CUX2: variants seen among roughly 807,000 people sequenced by gnomAD.
The protein encoded by CUX2 is cut like homeobox 2.
CUX2 carries 40 observed loss-of-function variants against 144.8 expected under a neutral mutation model. The observed-to-expected ratio is 0.28, with a 90% CI of 0.21 to 0.36. CUX2 has a LOEUF of 0.36. Ranked by LOEUF, CUX2 falls within the 10% of genes least tolerant of loss-of-function variation. CUX2 has a pLI of 1.00. For missense variants in CUX2, 1,615 were observed against 1,994.0 expected (o/e 0.81, Z 3.62); for synonymous variants, 827 against 875.6 (o/e 0.94, Z 0.98).
chr12:111,201,764 A>G (rs2136209723), intron 1 of CUX2, among the ~76,000 whole-genome samples: 1 of 152,262 alleles, frequency 6.6e-6, no homozygotes, highest in Middle Eastern at 3.4e-3. Context: ...TCCCACCCCC[A>G]GATGCTCCCA....
At position 111,057,701 on chromosome 12, in the gene CUX2, C is replaced by T. The variant is rs1870592473; in HGVS notation, c.63+23461C>T. On this transcript the variant is annotated intron_variant, in intron 1 of 21. Coordinates refer to ENST00000261726, the MANE Select transcript of CUX2 (RefSeq NM_015267.4). The surrounding 1 kb of genome is among the most constrained non-coding windows in gnomAD (Gnocchi z 5.1). ...AACAGCCTGGAAGCACTCCAACTAC[C>T]GTACTTTTCTTCAAATAAAAGCAGC... 2.0e-5 allele frequency among the ~76,000 whole-genome samples: 3 copies of T among 152,176 alleles called. No homozygotes were observed. Among genetic ancestry groups the T allele is most frequent in the Non-Finnish European group, 2.9e-5 (2 of 68,040 alleles).
At chr12:111,326,720 A>G (rs912597722) in intron 18 of CUX2, among the ~76,000 whole-genome samples, 3 of 152,090 alleles carry the variant, frequency 2.0e-5, no homozygotes, top group African/African-American at 7.2e-5. Flanking sequence ...CCTGGCCAAC[A>G]TGGAGAAATC....
At chr12:111,169,160 A>G (rs1167662155) in intron 1 of CUX2, among the ~76,000 whole-genome samples, 1 of 152,206 alleles carries the variant, frequency 6.6e-6, no homozygotes, top group Non-Finnish European at 1.5e-5. Flanking sequence ...AAAAGGCCAC[A>G]TGAAGACAGG....
intron 18 of CUX2, among the ~76,000 whole-genome samples, chr12:111,333,072 G>T (rs1351389858): frequency 2.6e-5 from 4 of 152,112 alleles, no homozygotes; most frequent in Non-Finnish European, 4.4e-5. Context: ...AGCCGGGTGT[G>T]GTGGCATGCA....
intron 1 of CUX2, among the ~76,000 whole-genome samples, chr12:111,162,961 G>A (rs953025338): frequency 3.3e-5 from 5 of 151,344 alleles, no homozygotes; most frequent in African/African-American, 4.9e-5. Flanking sequence ...CAGGAGAATC[G>A]CTTGAACCTG....
chr12:111,134,604 C>T (rs1038190613), intron 1 of CUX2, among the ~76,000 whole-genome samples: 1 of 141,418 alleles, frequency 7.1e-6, no homozygotes, highest in Non-Finnish European at 1.5e-5. Context: ...TTCTCTCTCT[C>T]TCTCTCTCTC....
intron 9 of CUX2, among the ~76,000 whole-genome samples, chr12:111,300,528 C>T (rs961472006): frequency 2.0e-5 from 3 of 152,210 alleles, no homozygotes; most frequent in Non-Finnish European, 2.9e-5. Flanking sequence ...AAAGCAGTTC[C>T]TCCTCTGTTT....
In CUX2 at chr12:111,132,373, C is replaced by T. The variant is rs545425163; in HGVS notation, c.64-81827C>T. On this transcript the variant is annotated intron_variant, in intron 1 of 21. Coordinates refer to ENST00000261726, the MANE Select transcript of CUX2 (RefSeq NM_015267.4). Reference sequence around the variant, plus strand: ...ACCTCTGGGCCTGTGATGGGAGGGGCGGCTGTGAAGGTCTCTGACATGGCC... The same window carrying T: ...ACCTCTGGGCCTGTGATGGGAGGGGTGGCTGTGAAGGTCTCTGACATGGCC... Among the ~76,000 whole-genome samples the T allele has an allele frequency of 4.6e-5, 7 of 152,124 alleles. No individual in the cohort carries two copies. The East Asian group carries it at 5.8e-4, about 13-fold the overall frequency.
At chr12:111,101,404 G>A (rs1252856118) in intron 1 of CUX2, among the ~76,000 whole-genome samples, 1 of 152,190 alleles carries the variant, frequency 6.6e-6, no homozygotes, top group East Asian at 1.9e-4. Context: ...GAAAATCCAT[G>A]CCTTGCAGGG....
chr12:111,327,712 G>A (rs981531703), intron 18 of CUX2, among the ~76,000 whole-genome samples: 6 of 152,144 alleles, frequency 3.9e-5, no homozygotes, highest in African/African-American at 4.8e-5. Flanking sequence ...GACCATGCAC[G>A]GCCTGGGAAG....
At position 111,189,195 on chromosome 12, in the gene CUX2, C is replaced by T. The variant is rs374386350; in HGVS notation, c.64-25005C>T. On this transcript the variant is annotated intron_variant, in intron 1 of 21. Coordinates refer to ENST00000261726, the MANE Select transcript of CUX2 (RefSeq NM_015267.4). The stretch of plus-strand genomic sequence containing the variant: ...GCTGAGCTGGGAGGATCTCCTGAGC[C>T]TGGGAGGTTGAGGCTGCAGTGAGCC... Among the ~76,000 whole-genome samples the T allele has an allele frequency of 5.3e-5, 8 of 152,258 alleles. 1 individual carries two copies. The highest frequency in any genetic ancestry group is 1.9e-4 in the African/African-American group (8 of 41,556).
At chr12:111,266,097 G>T (rs1884370713) in intron 4 of CUX2, among the ~76,000 whole-genome samples, 1 of 152,138 alleles carries the variant, frequency 6.6e-6, no homozygotes, top group Non-Finnish European at 1.5e-5. Context: ...TTGAAAATAA[G>T]TCTTTGCAGA....
chr12:111,223,138 T>C (rs1295671403), intron 3 of CUX2, among the ~76,000 whole-genome samples: 2 of 152,144 alleles, frequency 1.3e-5, no homozygotes, highest in Non-Finnish European at 1.5e-5. Context: ...GAACCTTCTA[T>C]GTCCCAGGCT....
chr12:111,271,025 T>C (rs1382233067), intron 4 of CUX2, among the ~76,000 whole-genome samples: 2 of 152,190 alleles, frequency 1.3e-5, no homozygotes, highest in African/African-American at 4.8e-5. Context: ...ACGCTGTACA[T>C]GAAAGCATTC....
chr12:111,164,583 T>G (rs1295874639), intron 1 of CUX2, among the ~76,000 whole-genome samples: 2 of 146,860 alleles, frequency 1.4e-5, no homozygotes, highest in Admixed American at 6.8e-5. Context: ...CTCAAAAAAA[T>G]AAAAAAGAAA....
At position 111,287,123 on chromosome 12, in the gene CUX2, C is replaced by T. The variant is rs896908399; in HGVS notation, c.302-4295C>T. Among the ~76,000 whole-genome samples the T allele has an allele frequency of 2.6e-5, 4 of 152,252 alleles. No homozygotes were observed. Among genetic ancestry groups the T allele is most frequent in the African/African-American group, 9.6e-5 (4 of 41,462 alleles). ...CTGGGGAGCCACCTGAGGCCAGCCTCCCCAAGACAGAGCACACAGCCAGCA... is the reference window on the plus strand; with the variant it reads ...CTGGGGAGCCACCTGAGGCCAGCCTTCCCAAGACAGAGCACACAGCCAGCA... On this transcript the variant is annotated intron_variant, in intron 4 of 21. Coordinates refer to ENST00000261726, the MANE Select transcript of CUX2 (RefSeq NM_015267.4). The surrounding 1 kb of genome is among the most constrained non-coding windows in gnomAD (Gnocchi z 4.2).
chr12:111,196,347 G>C (rs765613984), intron 1 of CUX2, among the ~76,000 whole-genome samples: 1 of 152,164 alleles, frequency 6.6e-6, no homozygotes, highest in Non-Finnish European at 1.5e-5. Context: ...ACATGTTTTC[G>C]ATTCTCTTGG....
intron 21 of CUX2, among the ~76,000 whole-genome samples, chr12:111,346,044 G>A (rs1227070904): frequency 6.6e-6 from 1 of 150,822 alleles, no homozygotes; most frequent in African/African-American, 2.4e-5. Context: ...GGCAGAGGTT[G>A]CAGTGAGCCG....
At chr12:111,103,589 G>C (rs1168613366) in intron 1 of CUX2, among the ~76,000 whole-genome samples, 3 of 152,224 alleles carry the variant, frequency 2.0e-5, no homozygotes, top group East Asian at 3.8e-4. Context: ...AAGAGAACTG[G>C]TTGATGCATG....
Sources: gnomAD v4.1 joint callset for allele counts (sites outside exome capture counted in the v4.1 genomes callset) on GRCh38, gnomAD v4.1.1 for gene constraint, Gnocchi (gnomAD v3.1) non-coding constraint, MANE v1.5 for transcripts, NCBI Gene and HGNC (gene_info 2026-07-23, HGNC 2026-07-21) for gene names.